Variants in CDK6 observed in about 807,000 individuals in gnomAD.
CDK6 encodes cyclin-dependent kinase 6.
A neutral mutation model predicts 37.1 loss-of-function variants in CDK6; 6 were observed. That is an observed-to-expected ratio of 0.16 (90% CI 0.09 to 0.32). The LOEUF (loss-of-function observed/expected upper bound fraction) is 0.32. Ranked by LOEUF, CDK6 falls within the 10% of genes least tolerant of loss-of-function variation. The pLI is 1.00. For synonymous variants in CDK6, 160 were observed against 161.3 expected (o/e 0.99, Z 0.06); for missense variants, 224 against 418.9 (o/e 0.53, Z 4.06).
intron 2 of CDK6, among the ~76,000 whole-genome samples, chr7:92,829,386 A>G (rs543005503): frequency 1.3e-5 from 2 of 152,320 alleles, no homozygotes; most frequent in African/African-American, 2.4e-5. Flanking sequence ...TTACTGTTAC[A>G]CTAATAAATA....
chr7:92,627,066 G>A (rs569643546), intron 5 of CDK6, among the ~76,000 whole-genome samples: 3 of 152,024 alleles, frequency 2.0e-5, no homozygotes, highest in East Asian at 1.9e-4. Context: ...CAATCCTAAC[G>A]TCCATCAACT....
chr7:92,694,601 T>A (rs1797667706), intron 4 of CDK6, among the ~76,000 whole-genome samples: 1 of 152,224 alleles, frequency 6.6e-6, no homozygotes, highest in African/African-American at 2.4e-5. Flanking sequence ...CAAAGCCACA[T>A]ATCACTTATC....
intron 4 of CDK6, among the ~76,000 whole-genome samples, chr7:92,724,274 CTT>C: frequency 6.6e-6 from 1 of 152,314 alleles, no homozygotes. Flanking sequence ...TGAGGCCTAT[CTT>C]TTAAACATCA....
chr7:92,833,527 A>C lies in CDK6; in HGVS notation c.-204T>G. On this transcript the variant is annotated 5_prime_UTR_variant, in exon 2 of 8. Transcript: ENST00000424848. The surrounding 1 kb of genome is among the most constrained non-coding windows in gnomAD (Gnocchi z 6.1). ...GAGACCTCCCCGCGGGGCTGGCGTA[A>C]CCCTGGTGCCGCCGCCGCGAAACTC... The C allele has an allele frequency of 1.8e-6, 1 of 542,130 alleles. No individual in the cohort carries two copies. Among genetic ancestry groups the C allele is most frequent in the African/African-American group, 2.1e-5 (1 of 48,696 alleles). 33.6% of individuals were successfully genotyped at this position (542,130 alleles called of 1,614,324 possible).
intron 2 of CDK6, among the ~76,000 whole-genome samples, chr7:92,779,476 G>A (rs182249670): frequency 4.6e-5 from 7 of 152,320 alleles, no homozygotes. Flanking sequence ...TTAGGTAGAA[G>A]TGACTCCTCC....
intron 2 of CDK6, among the ~76,000 whole-genome samples, chr7:92,808,148 G>A (rs551328327): frequency 6.6e-6 from 1 of 152,308 alleles, no homozygotes; most frequent in East Asian, 1.9e-4. Flanking sequence ...TATGTTTAGT[G>A]ATAGTTAAGT....
At chr7:92,674,941 C>T (rs1034693858) in intron 4 of CDK6, among the ~76,000 whole-genome samples, 4 of 152,204 alleles carry the variant, frequency 2.6e-5, no homozygotes, top group East Asian at 1.9e-4. Flanking sequence ...AAGCGAGTCT[C>T]GTGTCTCAGC....
intron 5 of CDK6, among the ~76,000 whole-genome samples, chr7:92,626,100 C>T (rs771556196): frequency 6.6e-6 from 1 of 151,916 alleles, no homozygotes; most frequent in African/African-American, 2.4e-5. Flanking sequence ...ACCACCTATT[C>T]AAATAACTGG....
chr7:92,611,791 T>C lies in CDK6; in HGVS notation c.*3349A>G, dbSNP rs991707352. On this transcript the variant is annotated 3_prime_UTR_variant, in exon 8 of 8. Coordinates refer to ENST00000424848, the MANE Select transcript of CDK6 (RefSeq NM_001145306.2). ...TTTTTATTTAACACAATGCTGAGAT[T>C]CTATTCTTAGGTGAATAATTTTCAA... is the stretch of plus-strand genomic sequence containing the variant. 8 of 230,970 alleles carry C rather than the reference T, an allele frequency of 3.5e-5. No individual in the cohort carries two copies. The highest frequency in any genetic ancestry group is 1.8e-4 in the African/African-American group (8 of 45,232). 14.3% of individuals were successfully genotyped at this position (230,970 alleles called of 1,614,324 possible).
chr7:92,734,348 C>A (rs1209756135), intron 3 of CDK6, among the ~76,000 whole-genome samples: 6 of 152,180 alleles, frequency 3.9e-5, no homozygotes, highest in Admixed American at 3.9e-4. Context: ...TCTGTCTAGA[C>A]TGAACCCTTA....
intron 4 of CDK6, among the ~76,000 whole-genome samples, chr7:92,718,292 TG>T (rs2116695186): frequency 1.3e-5 from 2 of 152,278 alleles, no homozygotes; most frequent in East Asian, 3.9e-4. Flanking sequence ...GCACTTTCGC[TG>T]AGGTGCCGAG....
intron 2 of CDK6, among the ~76,000 whole-genome samples, chr7:92,800,861 C>T (rs1005206121): frequency 5.3e-5 from 8 of 152,158 alleles, no homozygotes; most frequent in Non-Finnish European, 8.8e-5. Context: ...TCTGAGGAAA[C>T]CTAAGAACAG....
intron 2 of CDK6, among the ~76,000 whole-genome samples, chr7:92,784,185 T>G (rs2115827822): frequency 6.6e-6 from 1 of 152,274 alleles, no homozygotes; most frequent in East Asian, 1.9e-4. Flanking sequence ...CTACTTGGAA[T>G]TAAGTGAACT....
chr7:92,697,523 C>T (rs776096329), intron 4 of CDK6, among the ~76,000 whole-genome samples: 3 of 152,090 alleles, frequency 2.0e-5, no homozygotes, highest in Non-Finnish European at 2.9e-5. Flanking sequence ...TACAGTAGTC[C>T]CACAACTAGC....
chr7:92,791,972 C>A (rs936434684), intron 2 of CDK6, among the ~76,000 whole-genome samples: 6 of 151,984 alleles, frequency 3.9e-5, no homozygotes, highest in African/African-American at 1.2e-4. Flanking sequence ...ATCTTATGGG[C>A]ACTGGGAAAA....
rs530252311 is a variant in CDK6, at chr7:92,737,660, T to C, written c.370-11867A>G. On this transcript the variant is annotated intron_variant, in intron 3 of 7. Transcript: ENST00000424848. Reference sequence around the variant, plus strand: ...AACATTACAAATGAACTTTCTTACATAGTTAACTCTGGTTGCTTTCTCAAC... The same window carrying C: ...AACATTACAAATGAACTTTCTTACACAGTTAACTCTGGTTGCTTTCTCAAC... 3.3e-4 allele frequency among the ~76,000 whole-genome samples: 51 copies of C among 152,340 alleles called. 1 individual carries two copies. The highest frequency in any genetic ancestry group is 5.9e-4 in the Admixed American group (9 of 15,302).
At position 92,606,642 on chromosome 7, in the gene CDK6, T is replaced by TC. The variant is rs1795435617; in HGVS notation, c.*8497_*8498insG. 2 of 232,732 alleles carry TC rather than the reference T, an allele frequency of 8.6e-6. No homozygotes were observed. Among genetic ancestry groups the TC allele is most frequent in the Non-Finnish European group, 1.7e-5 (2 of 117,958 alleles). The allele number at this position is 232,732 out of a possible 1,614,324, so 14.4% of individuals were successfully genotyped here. On this transcript the variant is annotated 3_prime_UTR_variant, in exon 8 of 8. Coordinates refer to ENST00000424848, the MANE Select transcript of CDK6 (RefSeq NM_001145306.2). Reference sequence around the variant, plus strand: ...AAGTCAAATTTCCAAATTAGATTTTTTTTTTTTACTTTCAAAACATTTTCT... The same window carrying TC: ...AAGTCAAATTTCCAAATTAGATTTTTCTTTTTTTACTTTCAAAACATTTTCT...
At chr7:92,646,420 T>TG (rs1411064135) in intron 5 of CDK6, among the ~76,000 whole-genome samples, 3 of 149,500 alleles carry the variant, frequency 2.0e-5, no homozygotes. Context: ...TTTTTTGAGA[T>TG]GGAGTCTTGC....
chr7:92,638,727 C>T (rs1251056428), intron 5 of CDK6, among the ~76,000 whole-genome samples: 3 of 152,130 alleles, frequency 2.0e-5, no homozygotes, highest in African/African-American at 7.2e-5. Context: ...ATAAAAATGT[C>T]CTCAAATTAA....
Sources: allele counts gnomAD v4.1 joint callset (sites outside exome capture counted in the v4.1 genomes callset), GRCh38; gene constraint gnomAD v4.1.1; non-coding constraint Gnocchi (gnomAD v3.1); transcripts MANE v1.5; gene names NCBI Gene and HGNC (gene_info 2026-07-23, HGNC 2026-07-21).